THBS2: variants seen among roughly 807,000 people sequenced by gnomAD.
THBS2 encodes thrombospondin 2.
THBS2 carries 47 observed loss-of-function variants against 135.2 expected under a neutral mutation model. The ratio of observed to expected loss-of-function variants is 0.35; its 90% CI spans 0.28 to 0.44. The LOEUF is 0.44. Among genes scored for constraint, THBS2 ranks in the 20% least tolerant of loss-of-function variants. The pLI is 1.00. For missense variants in THBS2, 1,288 were observed against 1,603.1 expected (o/e 0.80, Z 3.36); for synonymous variants, 639 against 633.8 (o/e 1.01, Z -0.12).
chr6:169,226,335 A>G, intron 15 of THBS2, 37 bp from the exon 16 acceptor site: 1 of 1,523,458 alleles, frequency 6.6e-7, no homozygotes, highest in Non-Finnish European at 9.1e-7. Flanking sequence ...ACAAAAACAA[A>G]CCAGAAGGAC....
chr6:169,250,869 G>T, intron 1 of THBS2, 63 bp from the exon 2 acceptor site: 1 of 1,153,372 alleles, frequency 8.7e-7, no homozygotes, highest in Non-Finnish European at 1.2e-6. Flanking sequence ...CTGTGAGCGA[G>T]ACTGGCCCAG....
chr6:169,250,148 T>G (rs1780705327), intron 2 of THBS2, among the ~76,000 whole-genome samples: 1 of 152,210 alleles, frequency 6.6e-6, no homozygotes, highest in African/African-American at 2.4e-5. Context: ...AAGTGGGCAA[T>G]GGACCACTTT....
In THBS2 at chr6:169,222,206, C is replaced by T. The variant is rs554514756; in HGVS notation, c.3264G>A (p.Thr1088=). Reference sequence around the variant, plus strand: ...GGCCAGCCAACCTCACCTGCCCCGGCGTGTTCCCCGTGTGCCACAGCGCGT... The same window carrying T: ...GGCCAGCCAACCTCACCTGCCCCGGTGTGTTCCCCGTGTGCCACAGCGCGT... ...LRNALWHTGN[T]PGQVRTLWHD... The change falls in exon 19 of 22, where the codon ACG becomes ACA. Residue 1088 remains threonine, a synonymous_variant. Transcript: ENST00000617924. 2.4e-5 allele frequency: 39 copies of T among 1,605,616 alleles called. 2 individuals carry two copies. In the South Asian group the frequency reaches 2.8e-4, roughly 11 times the overall value.
chr6:169,218,898 GTAAGTGGATGAGA>G (rs1779305279), intron 21 of THBS2, among the ~76,000 whole-genome samples: 1 of 150,520 alleles, frequency 6.6e-6, no homozygotes, highest in African/African-American at 2.4e-5. Flanking sequence ...GAGTGGGTGG[GTAAGTGGATGAGA>G]TGAGTGGATG....
intron 15 of THBS2, among the ~76,000 whole-genome samples, chr6:169,227,215 G>C (rs529983530): frequency 6.6e-6 from 1 of 152,186 alleles, no homozygotes; most frequent in Non-Finnish European, 1.5e-5. Context: ...CCCACGAGGC[G>C]AAGTGTGGAG....
intron 19 of THBS2, 32 bp from the exon 20 acceptor site, chr6:169,221,559 T>C (rs752323666): frequency 8.7e-6 from 14 of 1,604,820 alleles, no homozygotes; most frequent in Non-Finnish European, 1.2e-5. Context: ...TTGAGTGCCA[T>C]GGGCACCCGG....
chr6:169,225,396 G>C lies in THBS2; in HGVS notation c.2539-17C>G. On this transcript the variant is annotated splice_polypyrimidine_tract_variant and intron_variant, in intron 16 of 21. Transcript: ENST00000617924. The stretch of plus-strand genomic sequence containing the variant: ...CACGTCGGTCTAGGGGATGGGGCGT[G>C]AGAGAAACAGCAGAGGACTGCCAGT... 6.4e-7 allele frequency: 1 copy of C among 1,551,066 alleles called. No homozygotes were observed. Among genetic ancestry groups the C allele is most frequent in the Non-Finnish European group, 8.7e-7 (1 of 1,146,072 alleles).
intron 3 of THBS2, among the ~76,000 whole-genome samples, chr6:169,246,585 G>A (rs1038969347): frequency 2.6e-5 from 4 of 152,182 alleles, no homozygotes; most frequent in Admixed American, 2.0e-4. Flanking sequence ...GTGTGTTCTG[G>A]GCATGTTCCC....
chr6:169,232,591 C>T (rs1779883454), intron 12 of THBS2, 73 bp downstream of exon 12: 2 of 1,532,762 alleles, frequency 1.3e-6, no homozygotes, highest in Admixed American at 2.0e-5. Context: ...CTCCTTCCTC[C>T]TGCTGCTTTT....
At chr6:169,244,659 C>A (rs1780484787) in intron 4 of THBS2, among the ~76,000 whole-genome samples, 2 of 151,970 alleles carry the variant, frequency 1.3e-5, no homozygotes, top group African/African-American at 4.8e-5. Flanking sequence ...AACATTATTG[C>A]AACAAAAAGT....
At position 169,251,618 on chromosome 6, in the gene THBS2, C is replaced by T. The variant is rs9718064; in HGVS notation, c.-22-812G>A. Among the ~76,000 whole-genome samples the T allele has an allele frequency of 1.1e-4, 16 of 152,302 alleles. No homozygotes were observed. The East Asian group carries it at 2.9e-3, about 28-fold the overall frequency. ...TTCCAGCAATTGGTCACACCCTGCT[C>T]TAGGTTGAAGGGAAGACTGAGACCC... On this transcript the variant is annotated intron_variant, in intron 1 of 21. Transcript: ENST00000617924.
At chr6:169,225,974 A>G (rs1243359641) in intron 16 of THBS2, among the ~76,000 whole-genome samples, 1 of 152,222 alleles carries the variant, frequency 6.6e-6, no homozygotes, top group African/African-American at 2.4e-5. Flanking sequence ...ACTCCATGTT[A>G]TCCTGTCTTT....
chr6:169,248,756 G>A lies in THBS2; in HGVS notation c.270C>T (p.Leu90=). Residue 90 remains leucine (L), a synonymous_variant, in exon 3 of 22, where the codon CTC becomes CTT. Transcript: ENST00000617924. ...QKEGFFLTAQ[L]KQDGKSRGTL... ...TGCCCCTGGACTTGCCGTCCTGCTT[G>A]AGCTGGGCCGTGAGGAAGAAGCCCT... 6.2e-7 allele frequency: 1 copy of A among 1,613,054 alleles called. No homozygotes were observed. Among genetic ancestry groups the A allele is most frequent in the Non-Finnish European group, 8.5e-7 (1 of 1,180,014 alleles).
At chr6:169,231,095 G>C (rs1220546539) in intron 13 of THBS2, among the ~76,000 whole-genome samples, 1 of 152,134 alleles carries the variant, frequency 6.6e-6, no homozygotes, top group African/African-American at 2.4e-5. Flanking sequence ...CTAGTGTCTT[G>C]GCGCCCGGGG....
chr6:169,228,930 G>C (rs1321065225), intron 14 of THBS2, among the ~76,000 whole-genome samples: 3 of 142,280 alleles, frequency 2.1e-5, no homozygotes, highest in South Asian at 4.3e-4. Context: ...AAAAGAGTTA[G>C]CCCTCGCCAA....
Position 169,232,652 on chromosome 6 carries a change from G to A in THBS2, c.1932+12C>T, listed in dbSNP as rs760778173. The stretch of plus-strand genomic sequence containing the variant: ...CCGCTCGCAACACACAAGGAAGGCC[G>A]GCCTTGCGTACTTGCTTTTCCGTCT... On this transcript the variant is annotated intron_variant, in intron 12 of 21. Coordinates refer to ENST00000617924, the MANE Select transcript of THBS2 (RefSeq NM_003247.5). The A allele has an allele frequency of 4.4e-6, 7 of 1,587,238 alleles. No individual in the cohort carries two copies. In the East Asian group the frequency reaches 9.0e-5, roughly 20 times the overall value.
chr6:169,229,498 G>T, intron 14 of THBS2, 74 bp downstream of exon 14: 2 of 1,145,630 alleles, frequency 1.7e-6, no homozygotes, highest in Non-Finnish European at 2.6e-6. Flanking sequence ...AGGGCTGTTT[G>T]GTATAAAGTG....
At chr6:169,243,905 T>A (rs369067987) in intron 4 of THBS2, among the ~76,000 whole-genome samples, 87 of 152,312 alleles carry the variant, frequency 5.7e-4, no homozygotes, top group South Asian at 2.3e-3. Context: ...TAACAAACAG[T>A]GGAAAAGGGG....
Position 169,237,242 on chromosome 6 carries a change from G to A in THBS2, c.1405C>T (p.Pro469Ser), listed in dbSNP as rs1780131422. The A allele has an allele frequency of 6.2e-7, 1 of 1,613,410 alleles. No individual in the cohort carries two copies. Among genetic ancestry groups the A allele is most frequent in the East Asian group, 2.2e-5 (1 of 44,876 alleles). ...TRIRLCNSPV[P>S]QMGGKNCKGS... ...TTGCAATTCTTGCCCCCCATCTGGG[G>A]CACTGGGGAGTTGCAGAGACGGATG... Residue 469 changes from proline to serine, a missense_variant, in exon 9 of 22, where the codon CCC becomes TCC. Around this residue, in one of 2 missense-constraint regions of THBS2, gnomAD observed 874 missense variants for 1,156.1 expected, o/e 0.76. Coordinates refer to ENST00000617924, the MANE Select transcript of THBS2 (RefSeq NM_003247.5).
Sources: gnomAD v4.1 joint callset for allele counts (sites outside exome capture counted in the v4.1 genomes callset) on GRCh38, gnomAD v4.1.1 for gene constraint, gnomAD v4.1.1 regional missense constraint, MANE v1.5 for transcripts, NCBI Gene and HGNC (gene_info 2026-07-23, HGNC 2026-07-21) for gene names.